Variants in SLC27A5 observed in about 807,000 individuals in gnomAD.
SLC27A5 encodes long-chain fatty acid transport protein 5.
In SLC27A5, 47 loss-of-function variants were observed where a neutral mutation model predicts 63.1. That is an observed-to-expected ratio of 0.74 (90% CI 0.59 to 0.95). The LOEUF is 0.95. Ranked by LOEUF, SLC27A5 falls within the 40% of genes least tolerant of loss-of-function variation. The pLI is 0.00. For synonymous variants in SLC27A5, 391 were observed against 403.8 expected, an observed-to-expected ratio of 0.97 and a Z score of 0.38; for missense variants, 940 against 921.0, an observed-to-expected ratio of 1.02 and a Z score of -0.27.
Position 58,499,219 on chromosome 19 carries a change from A to C in SLC27A5, c.1669T>G (p.Trp557Gly). 1.2e-6 allele frequency: 2 copies of C among 1,613,370 alleles called. No homozygotes were observed. Among genetic ancestry groups the C allele is most frequent in the Non-Finnish European group, 1.7e-6 (2 of 1,179,760 alleles). Residue 557 changes from tryptophan to glycine, a missense_variant and splice_region_variant, in exon 8 of 10, where the codon TGG becomes GGG. Physicochemically the swap from Trp to Gly is radical, Grantham distance 184. Coordinates refer to ENST00000263093, the MANE Select transcript of SLC27A5 (RefSeq NM_012254.3). The part of the protein sequence containing the change: ...FRDRLGDTFR[W>G]KGENVSTHEV... ...TGCGTGGACACGTTCTCGCCCTTCC[A>C]TCTGCAAGGAGGGAGCCGGCGCTTG... is the stretch of plus-strand genomic sequence containing the variant.
chr19:58,510,156 CA>C (rs1230229385), intron 2 of SLC27A5, 151 bp from the exon 3 acceptor site: 7 of 687,754 alleles, frequency 1.0e-5, no homozygotes, highest in Non-Finnish European at 1.6e-5. Context: ...GTTGGGTTCA[CA>C]GGCTGAATTT....
intron 3 of SLC27A5, among the ~76,000 whole-genome samples, chr19:58,501,798 T>A (rs1341648288): frequency 6.6e-6 from 1 of 152,232 alleles, no homozygotes. Context: ...CTCAGCTTTC[T>A]GAGTTGCTGG....
Position 58,506,573 on chromosome 19 carries a change from C to T in SLC27A5, c.1057+3274G>A, listed in dbSNP as rs1038831101. Among the ~76,000 whole-genome samples the T allele has an allele frequency of 5.3e-5, 8 of 151,088 alleles. 1 individual carries two copies. Among genetic ancestry groups the T allele is most frequent in the South Asian group, 4.2e-4 (2 of 4,806 alleles). On this transcript the variant is annotated intron_variant, in intron 3 of 9. Coordinates refer to ENST00000263093, the MANE Select transcript of SLC27A5 (RefSeq NM_012254.3). ...CAAAAAAGAAACAGAGAAGTATATG[C>T]GAAATTAAACTGGCAACATGTTAAC...
At chr19:58,507,729 T>C (rs1187654942) in intron 3 of SLC27A5, 2 of 152,130 alleles carry the variant, frequency 1.3e-5, no homozygotes, top group Non-Finnish European at 2.9e-5. Context: ...AATATTAACA[T>C]TAAGACCCTG....
chr19:58,499,000 G>A (rs2053241032), intron 8 of SLC27A5, 85 bp from the exon 9 acceptor site: 3 of 1,589,466 alleles, frequency 1.9e-6, no homozygotes, highest in Non-Finnish European at 2.6e-6. Context: ...CTGCTCACTG[G>A]CTGTGAGAGC....
chr19:58,500,545 G>T lies in SLC27A5; in HGVS notation c.1344C>A (p.Cys448Ter), dbSNP rs751497720. 3 of 1,613,902 alleles carry T rather than the reference G, an allele frequency of 1.9e-6. No individual in the cohort carries two copies. The African/African-American group carries it at 4.0e-5, about 22-fold the overall frequency. Reference sequence around the variant, plus strand: ...GGCAGCTCATCTTGCCCAGGGCCCCGCAGCGCCCCACATAGTTGACTAAGC... The same window carrying T: ...GGCAGCTCATCTTGCCCAGGGCCCCTCAGCGCCCCACATAGTTGACTAAGC... ...NMGLVNYVGR[C>*]GALGKMSCLL... The change falls in exon 5 of 10, where the codon TGC becomes TGA. Residue 448 changes from cysteine to a stop codon, truncating the protein, a stop_gained. Transcript: ENST00000263093. LOFTEE classifies it high-confidence loss of function.
chr19:58,510,033 G>T (rs202202520), intron 2 of SLC27A5, 28 bp from the exon 3 acceptor site: 1 of 1,606,394 alleles, frequency 6.2e-7, no homozygotes, highest in Non-Finnish European at 8.5e-7. Context: ...GCAAGGGCAG[G>T]GTGGTGACAT....
chr19:58,508,363 C>T (rs2053370125), intron 3 of SLC27A5: 1 of 151,954 alleles, frequency 6.6e-6, no homozygotes, highest in Non-Finnish European at 1.5e-5. Flanking sequence ...TTGAGACCAT[C>T]CTGGCTAAAT....
chr19:58,499,151 C>G lies in SLC27A5; in HGVS notation c.1737G>C (p.Gln579His). The G allele has an allele frequency of 6.2e-7, 1 of 1,614,102 alleles. No homozygotes were observed. The highest frequency in any genetic ancestry group is 1.1e-5 in the South Asian group (1 of 91,086). Residue 579 changes from glutamine to histidine, a missense_variant, in exon 8 of 10, where the codon CAG becomes CAC. Physicochemically the swap from Gln to His is conservative, Grantham distance 24 (BLOSUM62 0). Transcript: ENST00000263093. ...GVLSQVDFLQQVNVYGVCVPG... is the reference protein window; with the variant it reads ...GVLSQVDFLQHVNVYGVCVPG... ...GCACGCACACGCCATACACGTTAAC[C>G]TGTTGCAAGAAGTCCACCTGCGACA...
In SLC27A5 at chr19:58,511,588, C is replaced by T. The variant is rs760497999; in HGVS notation, c.368G>A (p.Arg123Gln). Residue 123 changes from arginine to glutamine, a missense_variant, in exon 1 of 10, where the codon CGA (arginine) becomes CAA (glutamine). Transcript: ENST00000263093. ...PDTFVDAFER[R>Q]ARAQPGRALL... ...TGCCCTGCCAGGCTGCGCTCGTGCT[C>T]GCCGCTCGAAGGCATCTACAAAGGT... 1.8e-5 allele frequency: 29 copies of T among 1,576,586 alleles called. No homozygotes were observed. The highest frequency in any genetic ancestry group is 2.7e-5 in the African/African-American group (2 of 74,176).
intron 3 of SLC27A5, among the ~76,000 whole-genome samples, chr19:58,502,761 A>G (rs1480302564): frequency 1.3e-5 from 2 of 148,436 alleles, no homozygotes; most frequent in South Asian, 2.1e-4. Context: ...GTGAGTGAGT[A>G]GATGGATGGG....
At chr19:58,509,178 G>A (rs1432384601) in intron 3 of SLC27A5, 1 of 151,048 alleles carries the variant, frequency 6.6e-6, no homozygotes. Flanking sequence ...ACGAGGTCAG[G>A]AGTTCAAGAC....
At chr19:58,498,987 G>T (rs1362243408) in intron 8 of SLC27A5, 72 bp from the exon 9 acceptor site, 9 of 1,591,382 alleles carry the variant, frequency 5.7e-6, no homozygotes, top group Non-Finnish European at 7.7e-6. Context: ...GCCTCGCCCA[G>T]CTCTGCTCAC....
chr19:58,499,773 C>A (rs915166689), intron 6 of SLC27A5, 83 bp from the exon 7 acceptor site: 11 of 1,327,610 alleles, frequency 8.3e-6, no homozygotes, highest in Non-Finnish European at 1.1e-5. Flanking sequence ...GTGGACTCTT[C>A]ATCACCCAGC....
In SLC27A5 at chr19:58,498,456, AG is replaced by A; in HGVS notation, c.*58del. 1 of 1,522,150 alleles carries A rather than the reference AG, an allele frequency of 6.6e-7. No homozygotes were observed. The highest frequency in any genetic ancestry group is 1.2e-5 in the South Asian group (1 of 81,010). 94.3% of individuals were successfully genotyped at this position (1,522,150 alleles called of 1,614,324 possible). The stretch of plus-strand genomic sequence containing the variant: ...CAGGCCCAGGATGAAAGGGACACCG[AG>A]TGTGTTGGGGTGGGGGTGGCTGGCT... On this transcript the variant is annotated 3_prime_UTR_variant, in exon 10 of 10. Coordinates refer to ENST00000263093, the MANE Select transcript of SLC27A5 (RefSeq NM_012254.3).
chr19:58,509,778 TGACAG>T, intron 3 of SLC27A5, 64 bp downstream of exon 3: 1 of 1,452,474 alleles, frequency 6.9e-7, no homozygotes, highest in Admixed American at 2.3e-5. Context: ...CTTTTTGCCT[TGACAG>T]CCCCACGCCG....
chr19:58,500,857 A>C, intron 4 of SLC27A5, 151 bp from the exon 5 acceptor site: 6 of 1,439,728 alleles, frequency 4.2e-6, no homozygotes, highest in Non-Finnish European at 5.5e-6. Context: ...TACCTGGGTT[A>C]CTTACATGAG....
At chr19:58,510,960 G>A (rs2053404037) in intron 1 of SLC27A5, 30 bp from the exon 2 acceptor site, 1 of 1,534,572 alleles carries the variant, frequency 6.5e-7, no homozygotes. Context: ...GAGAAACAGA[G>A]GCAAGGCTCA....
Position 58,510,902 on chromosome 19 carries a change from A to T in SLC27A5, c.717T>A (p.Leu239=). ...GGATGTTCTCAGCCTGCAGCTTGGG[A>T]AGGATCTCCTCCAGGCTCTCCCGGA... is the stretch of plus-strand genomic sequence containing the variant. ...PDLRESLEEI[L]PKLQAENIRC... is the part of the protein sequence containing the mutation. Residue 239 remains leucine, a synonymous_variant, in exon 2 of 10, where the codon CTT becomes CTA. Coordinates refer to ENST00000263093, the MANE Select transcript of SLC27A5 (RefSeq NM_012254.3). 6.2e-7 allele frequency: 1 copy of T among 1,610,942 alleles called. No individual in the cohort carries two copies.
Sources: allele counts gnomAD v4.1 joint callset (sites outside exome capture counted in the v4.1 genomes callset), GRCh38; gene constraint gnomAD v4.1.1; transcripts MANE v1.5; gene names NCBI Gene and HGNC (gene_info 2026-07-23, HGNC 2026-07-21).